CCDC82: variants seen among roughly 807,000 people sequenced by gnomAD.
CCDC82 encodes the protein coiled-coil domain-containing protein 82.
A neutral mutation model predicts 60.6 loss-of-function variants in CCDC82; 47 were observed. That is an observed-to-expected ratio of 0.77 (90% CI 0.61 to 0.99). The LOEUF (loss-of-function observed/expected upper bound fraction) is 0.99, where lower values mean the gene tolerates loss of function less well. Among genes scored for constraint, CCDC82 ranks in the 50% least tolerant of loss-of-function variants. CCDC82 has a pLI of 0.00. For synonymous variants in CCDC82, 212 were observed against 207.4 expected (o/e 1.02, Z -0.19); for missense variants, 588 against 633.0 (o/e 0.93, Z 0.76).
chr11:96,364,226 G>T (rs1368476287), intron 8 of CCDC82: 1 of 152,000 alleles, frequency 6.6e-6, no homozygotes, highest in African/African-American at 2.4e-5. Context: ...ATTTGCATAT[G>T]ACTATTAAAT....
In CCDC82 at chr11:96,384,102, C is replaced by T; in HGVS notation, c.646G>A (p.Asp216Asn). ...GVKRPRRVVE[D>N]EGSSVEMEQK... ...TCCATTTCCACTGAAGAACCTTCAT[C>T]TTCAACCACTCTACGGGGACGTTTA... The change falls in exon 4 of 10, where the codon GAT becomes AAT. Residue 216 changes from aspartate (D) to asparagine (N), a missense_variant. Asp to Asn is a conservative substitution (Grantham distance 23, BLOSUM62 1). Transcript: ENST00000646818. The T allele has an allele frequency of 6.2e-7, 1 of 1,613,728 alleles. No homozygotes were observed. Among genetic ancestry groups the T allele is most frequent in the Non-Finnish European group, 8.5e-7 (1 of 1,179,742 alleles).
intron 6 of CCDC82, among the ~76,000 whole-genome samples, chr11:96,371,533 G>A (rs1391107047): frequency 6.6e-6 from 1 of 152,246 alleles, no homozygotes; most frequent in African/African-American, 2.4e-5. Context: ...AGTGAGCTGA[G>A]ATCGCACCAC....
chr11:96,358,985 C>A lies in CCDC82; in HGVS notation c.1566+8G>T. 2 of 1,597,268 alleles carry A rather than the reference C, an allele frequency of 1.3e-6. No individual in the cohort carries two copies. Among genetic ancestry groups the A allele is most frequent in the African/African-American group, 1.4e-5 (1 of 73,958 alleles). On this transcript the variant is annotated splice_region_variant and intron_variant, in intron 9 of 9. Coordinates refer to ENST00000646818, the MANE Select transcript of CCDC82 (RefSeq NM_024725.4). The stretch of plus-strand genomic sequence containing the variant: ...CTACATGATAAGATTCTCATATATT[C>A]ACCTTACCTCCTTAATCCAGCCATT...
chr11:96,383,804 G>A (rs972867911), intron 4 of CCDC82, among the ~76,000 whole-genome samples, 158 bp downstream of exon 4: 4 of 151,698 alleles, frequency 2.6e-5, no homozygotes, highest in East Asian at 1.9e-4. Flanking sequence ...AGTATATTAC[G>A]TACAATAGTG....
chr11:96,376,326 C>T (rs944449880), intron 5 of CCDC82, among the ~76,000 whole-genome samples: 26 of 152,112 alleles, frequency 1.7e-4, no homozygotes, highest in African/African-American at 5.3e-4. Context: ...TCTTGTTCTA[C>T]GCATATTACC....
intron 9 of CCDC82, chr11:96,357,423 C>T: frequency 4.1e-6 from 4 of 985,280 alleles, no homozygotes; most frequent in Non-Finnish European, 2.4e-6. Context: ...TGACACTTGG[C>T]TTTCTTGAAA....
At chr11:96,358,002 G>A (rs2186760) in intron 9 of CCDC82, 465,491 of 984,882 alleles carry the variant, frequency 0.47, 110,512 homozygotes, top group Middle Eastern at 0.51. Context: ...AGGGAAACCA[G>A]TGATGATGTC....
At chr11:96,386,437 T>C (rs555997193) in intron 2 of CCDC82, 144 bp from the exon 3 acceptor site, 5 of 152,292 alleles carry the variant, frequency 3.3e-5, no homozygotes, top group Admixed American at 6.5e-5. Flanking sequence ...GCAGAAATTA[T>C]AGCGTGTAGG....
intron 5 of CCDC82, among the ~76,000 whole-genome samples, chr11:96,374,734 T>C (rs1865478358): frequency 6.6e-6 from 1 of 152,136 alleles, no homozygotes; most frequent in South Asian, 2.1e-4. Flanking sequence ...TACCCAATAG[T>C]TATCTTTTCT....
intron 5 of CCDC82, among the ~76,000 whole-genome samples, chr11:96,377,185 C>T (rs1006876075): frequency 6.6e-6 from 1 of 152,146 alleles, no homozygotes; most frequent in Non-Finnish European, 1.5e-5. Context: ...ATTTCTTTTT[C>T]TACTTTAACA....
At chr11:96,372,759 T>C (rs1482751027) in intron 6 of CCDC82, among the ~76,000 whole-genome samples, 5 of 146,628 alleles carry the variant, frequency 3.4e-5, no homozygotes, top group African/African-American at 9.9e-5. Context: ...TATTTATATA[T>C]ATATTTATAA....
In CCDC82 at chr11:96,383,415, T is replaced by G; in HGVS notation, c.845A>C (p.Asp282Ala). The G allele has an allele frequency of 6.2e-7, 1 of 1,602,842 alleles. No homozygotes were observed. Reference protein sequence around the residue: ...SDEVDEEEEEDNYESDEDGDD... With the variant: ...SDEVDEEEEEANYESDEDGDD... Reference sequence around the variant, plus strand: ...TCCATCTTCATCAGATTCATAATTATCCTCTTCTTCCTCCTCATCAACTTC... The same window carrying G: ...TCCATCTTCATCAGATTCATAATTAGCCTCTTCTTCCTCCTCATCAACTTC... The change falls in exon 5 of 10, where the codon GAT (aspartate) becomes GCT (alanine). Residue 282 changes from aspartate to alanine, a missense_variant. By Grantham distance (126) the Asp-to-Ala change is moderately radical (BLOSUM62 -2). Transcript: ENST00000646818.
intron 8 of CCDC82, among the ~76,000 whole-genome samples, chr11:96,361,533 C>A (rs1044036157): frequency 6.6e-6 from 1 of 152,028 alleles, no homozygotes; most frequent in Non-Finnish European, 1.5e-5. Flanking sequence ...TATGGAAGAA[C>A]CTATATGGAA....
chr11:96,372,699 AATAT>A (rs10594121), intron 6 of CCDC82, among the ~76,000 whole-genome samples: 8 of 145,416 alleles, frequency 5.5e-5, no homozygotes, highest in African/African-American at 2.0e-4. Flanking sequence ...AATATATAAA[AATAT>A]ATATATACAT....
In CCDC82 at chr11:96,358,252, G is replaced by A. The variant is rs12277238; in HGVS notation, c.1566+741C>T. On this transcript the variant is annotated intron_variant, in intron 9 of 9. Coordinates refer to ENST00000646818, the MANE Select transcript of CCDC82 (RefSeq NM_024725.4). Reference sequence around the variant, plus strand: ...TATTTGTTCTCTCTTATACATTCATGTAACTAGACTTGTTTTAGAAGACTG... The same window carrying A: ...TATTTGTTCTCTCTTATACATTCATATAACTAGACTTGTTTTAGAAGACTG... The A allele has an allele frequency of 6.9e-4, 735 of 1,069,894 alleles. 6 individuals are homozygous for A. In the African/African-American group the frequency reaches 0.011, roughly 17 times the overall value. 66.3% of individuals were successfully genotyped at this position (1,069,894 alleles called of 1,614,324 possible).
Position 96,353,611 on chromosome 11 carries a change from C to T in CCDC82, c.*35G>A. 1 of 1,444,764 alleles carries T rather than the reference C, an allele frequency of 6.9e-7. No individual in the cohort carries two copies. The allele number at this position is 1,444,764 out of a possible 1,614,324, so 89.5% of individuals were successfully genotyped here. ...ACAAGAATCATGATCTTCACATTTACAGGAATTTAAAAAATCTTCTCTGAT... is the reference window on the plus strand; with the variant it reads ...ACAAGAATCATGATCTTCACATTTATAGGAATTTAAAAAATCTTCTCTGAT... On this transcript the variant is annotated 3_prime_UTR_variant, in exon 10 of 10. Transcript: ENST00000646818.
chr11:96,362,426 G>T (rs7940764), intron 8 of CCDC82, among the ~76,000 whole-genome samples: 1 of 151,970 alleles, frequency 6.6e-6, no homozygotes, highest in African/African-American at 2.4e-5. Context: ...CCCTTGTTTG[G>T]TTTTTTGTTT....
At chr11:96,376,421 C>T (rs1243136590) in intron 5 of CCDC82, among the ~76,000 whole-genome samples, 2 of 150,238 alleles carry the variant, frequency 1.3e-5, no homozygotes, top group Non-Finnish European at 3.0e-5. Flanking sequence ...CCTATCAAGC[C>T]GTGCTTTTCT....
chr11:96,377,639 C>T (rs1382910770), intron 5 of CCDC82, among the ~76,000 whole-genome samples: 1 of 151,998 alleles, frequency 6.6e-6, no homozygotes, highest in Non-Finnish European at 1.5e-5. Context: ...CTCCTAGAAT[C>T]TCAATAAATT....
Sources: allele counts gnomAD v4.1 joint callset (sites outside exome capture counted in the v4.1 genomes callset), GRCh38; gene constraint gnomAD v4.1.1; transcripts MANE v1.5; gene names NCBI Gene and HGNC (gene_info 2026-07-23, HGNC 2026-07-21).